The following LRRC20 variants were observed in gnomAD, a reference collection of about 807,000 sequenced individuals.
The protein encoded by LRRC20 is leucine-rich repeat-containing protein 20.
A neutral mutation model predicts 14.4 loss-of-function variants in LRRC20; 11 were observed. The observed-to-expected ratio is 0.77, with a 90% CI of 0.48 to 1.27. The LOEUF (loss-of-function observed/expected upper bound fraction) is 1.27. LRRC20 is among the 50% of genes most tolerant of loss of function. The pLI is 0.00. For synonymous variants in LRRC20, 121 were observed against 107.3 expected, an observed-to-expected ratio of 1.13 and a Z score of -0.79; for missense variants, 219 against 251.2, an observed-to-expected ratio of 0.87 and a Z score of 0.87.
intron 4 of LRRC20, among the ~76,000 whole-genome samples, chr10:70,322,503 G>A (rs1465363697): frequency 6.6e-6 from 1 of 152,202 alleles, no homozygotes; most frequent in Non-Finnish European, 1.5e-5. Flanking sequence ...AGCCGCGCAG[G>A]CCAAGGCACT....
intron 1 of LRRC20, among the ~76,000 whole-genome samples, chr10:70,380,067 C>G (rs1298372848): frequency 1.3e-5 from 2 of 152,194 alleles, no homozygotes; most frequent in African/African-American, 4.8e-5. Context: ...AAGCCACGGA[C>G]CTATGCCATC....
At chr10:70,325,474 C>T (rs893997947) in intron 3 of LRRC20, among the ~76,000 whole-genome samples, 17 of 152,148 alleles carry the variant, frequency 1.1e-4, no homozygotes, top group Admixed American at 3.3e-4. Flanking sequence ...GGGTGGAGCA[C>T]GCAGGCAACA....
At chr10:70,332,510 T>C (rs891189140) in intron 3 of LRRC20, among the ~76,000 whole-genome samples, 1 of 152,102 alleles carries the variant, frequency 6.6e-6, no homozygotes, top group African/African-American at 2.4e-5. Flanking sequence ...CTAGGTTTGA[T>C]GGTGTGTGCC....
chr10:70,323,355 C>T (rs1172932021), intron 4 of LRRC20, among the ~76,000 whole-genome samples: 1 of 152,170 alleles, frequency 6.6e-6, no homozygotes. Context: ...ACCTATCAGA[C>T]CCCTGGTTCC....
intron 4 of LRRC20, among the ~76,000 whole-genome samples, chr10:70,310,151 A>C (rs1423461527): frequency 1.3e-5 from 2 of 152,270 alleles, no homozygotes; most frequent in African/African-American, 2.4e-5. Context: ...CCAACACATC[A>C]GAGCAGTCAA....
chr10:70,301,337 G>C lies in LRRC20; in HGVS notation c.*17C>G. On this transcript the variant is annotated 3_prime_UTR_variant, in exon 5 of 5. Transcript: ENST00000446961. ...TGTGGCCTCTGCCCCTTGCTGGGTG[G>C]GCATGAGGAGGGTGGCCTAAGGTAG... is the stretch of plus-strand genomic sequence containing the variant. 1 of 1,608,690 alleles carries C rather than the reference G, an allele frequency of 6.2e-7. No individual in the cohort carries two copies. Among genetic ancestry groups the C allele is most frequent in the Non-Finnish European group, 8.5e-7 (1 of 1,178,118 alleles).
At position 70,300,478 on chromosome 10, in the gene LRRC20, C is replaced by T; in HGVS notation, c.*876G>A. On this transcript the variant is annotated 3_prime_UTR_variant, in exon 5 of 5. Transcript: ENST00000446961. ...GCCTTCTGCCCCCAGGAGGCCATGA[C>T]AAGGCAGCCAGGCTGCTGCTGGACT... The T allele has an allele frequency of 1.0e-6, 1 of 985,586 alleles. No individual in the cohort carries two copies. 61.1% of individuals were successfully genotyped at this position (985,586 alleles called of 1,614,324 possible). A position where few individuals can be genotyped will look rare whatever the true frequency, so the allele number is the denominator to read the frequency against.
intron 4 of LRRC20, among the ~76,000 whole-genome samples, chr10:70,314,275 C>G (rs1841778883): frequency 6.6e-6 from 1 of 152,172 alleles, no homozygotes; most frequent in Admixed American, 6.5e-5. Context: ...ACCCCCAACC[C>G]AGGAACTGAC....
intron 3 of LRRC20, among the ~76,000 whole-genome samples, chr10:70,336,588 C>G (rs1658321409): frequency 6.6e-6 from 1 of 151,970 alleles, no homozygotes; most frequent in Non-Finnish European, 1.5e-5. Flanking sequence ...CCCTCCTTGT[C>G]AATCACAGAG....
intron 2 of LRRC20, among the ~76,000 whole-genome samples, chr10:70,356,891 A>C (rs1386189644): frequency 2.6e-5 from 4 of 152,182 alleles, no homozygotes; most frequent in Non-Finnish European, 4.4e-5. Flanking sequence ...ACAAAAAAAA[A>C]CACCTGTATA....
intron 3 of LRRC20, 106 bp from the exon 4 acceptor site, chr10:70,324,136 A>G: frequency 1.9e-6 from 2 of 1,030,688 alleles, no homozygotes; most frequent in Non-Finnish European, 2.9e-6. Flanking sequence ...AGGAAGGCAC[A>G]GAGGAAGCCC....
intron 4 of LRRC20, among the ~76,000 whole-genome samples, chr10:70,323,165 A>G (rs1842159284): frequency 6.6e-6 from 1 of 151,994 alleles, no homozygotes; most frequent in African/African-American, 2.4e-5. Flanking sequence ...GGGAGGGCAC[A>G]CAGAGACCCC....
intron 1 of LRRC20, among the ~76,000 whole-genome samples, chr10:70,379,870 C>T (rs1844644496): frequency 1.3e-5 from 2 of 152,162 alleles, no homozygotes; most frequent in African/African-American, 4.8e-5. Context: ...GAAACTATTC[C>T]ACCTCACATC....
At chr10:70,324,315 G>C (rs995782664) in intron 3 of LRRC20, among the ~76,000 whole-genome samples, 1 of 152,214 alleles carries the variant, frequency 6.6e-6, no homozygotes, top group Non-Finnish European at 1.5e-5. Context: ...GGGCCTCAGC[G>C]AGGGGTCAGG....
rs187050768 is a variant in LRRC20 at position 70,315,814 on chromosome 10, A to G, written c.400+8049T>C. 2.2e-3 allele frequency among the ~76,000 whole-genome samples: 338 copies of G among 152,302 alleles called. 13 individuals carry two copies. In the South Asian group the frequency reaches 0.059, roughly 27 times the overall value. On this transcript the variant is annotated intron_variant, in intron 4 of 4. Coordinates refer to ENST00000446961, the MANE Select transcript of LRRC20 (RefSeq NM_001278212.2). Reference sequence around the variant, plus strand: ...CTCTAATTCCAAATTCCTTGGGGTGATAGATTTGAGGTATCCTCTCATGTC... The same window carrying G: ...CTCTAATTCCAAATTCCTTGGGGTGGTAGATTTGAGGTATCCTCTCATGTC...
chr10:70,345,550 G>A (rs1028382644), intron 2 of LRRC20, among the ~76,000 whole-genome samples: 1 of 151,930 alleles, frequency 6.6e-6, no homozygotes, highest in Non-Finnish European at 1.5e-5. Flanking sequence ...TGCATACAGA[G>A]TCATCTTTAT....
At chr10:70,338,291 T>C (rs1261233477) in intron 3 of LRRC20, among the ~76,000 whole-genome samples, 1 of 152,072 alleles carries the variant, frequency 6.6e-6, no homozygotes, top group Non-Finnish European at 1.5e-5. Context: ...TGCCACTTCA[T>C]GCACCCTCTC....
At chr10:70,306,720 G>A (rs1158100094) in intron 4 of LRRC20, among the ~76,000 whole-genome samples, 1 of 152,062 alleles carries the variant, frequency 6.6e-6, no homozygotes, top group Non-Finnish European at 1.5e-5. Context: ...TCTTAAGAGC[G>A]TGCAAATATC....
At chr10:70,364,478 A>T (rs941667346) in intron 2 of LRRC20, among the ~76,000 whole-genome samples, 1 of 152,230 alleles carries the variant, frequency 6.6e-6, no homozygotes, top group Non-Finnish European at 1.5e-5. Context: ...GTTGTGATTC[A>T]GTGGGTATCT....
Sources: gnomAD v4.1 joint callset for allele counts (sites outside exome capture counted in the v4.1 genomes callset) on GRCh38, gnomAD v4.1.1 for gene constraint, MANE v1.5 for transcripts, NCBI Gene and HGNC (gene_info 2026-07-23, HGNC 2026-07-21) for gene names.